The following SLC16A10 variants were observed in gnomAD, a reference collection of about 807,000 sequenced individuals.
The protein encoded by SLC16A10 is solute carrier family 16 member 10.
SLC16A10 carries 27 observed loss-of-function variants against 40.0 expected under a neutral mutation model. That is an observed-to-expected ratio of 0.67 (90% CI 0.50 to 0.93). SLC16A10 has a LOEUF of 0.93. Among genes scored for constraint, SLC16A10 ranks in the 40% least tolerant of loss-of-function variants. The pLI is 0.00. For synonymous variants in SLC16A10, 213 were observed against 249.8 expected (o/e 0.85, Z 1.39); for missense variants, 529 against 658.2 (o/e 0.80, Z 2.15).
chr6:111,156,293 A>C (rs1772268749), intron 1 of SLC16A10, among the ~76,000 whole-genome samples: 3 of 152,218 alleles, frequency 2.0e-5, no homozygotes, highest in African/African-American at 7.2e-5. Flanking sequence ...CACTCCTGTA[A>C]GTGTGGGCTG....
intron 3 of SLC16A10, among the ~76,000 whole-genome samples, chr6:111,183,570 A>C (rs1772842567): frequency 6.6e-6 from 1 of 152,184 alleles, no homozygotes; most frequent in Non-Finnish European, 1.5e-5. Context: ...GGATCTTTAA[A>C]ATTCTCTACT....
At chr6:111,152,112 A>C (rs1169940862) in intron 1 of SLC16A10, among the ~76,000 whole-genome samples, 1 of 152,236 alleles carries the variant, frequency 6.6e-6, no homozygotes, top group African/African-American at 2.4e-5. Context: ...TGTGTATTGC[A>C]TGAATAAAGC....
intron 1 of SLC16A10, among the ~76,000 whole-genome samples, chr6:111,156,461 G>C (rs1772272068): frequency 6.6e-6 from 1 of 152,144 alleles, no homozygotes; most frequent in Admixed American, 6.5e-5. Context: ...TGATATAATG[G>C]GATGAAATGG....
Position 111,225,379 on chromosome 6 carries a change from G to A in SLC16A10, c.*3144G>A, listed in dbSNP as rs354548. On this transcript the variant is annotated 3_prime_UTR_variant, in exon 6 of 6. Transcript: ENST00000368851. ...CAACCAGCCTGGGAAACACGGTGAA[G>A]CTCCATCTCTACTAAAATACAAAAA... 120,443 of 151,786 alleles carry A rather than the reference G, an allele frequency of 0.79. 48,435 individuals are homozygous for A. Among genetic ancestry groups the A allele is most frequent in the South Asian group, 0.87 (4,171 of 4,794 alleles). The allele number at this position is 151,786 out of a possible 1,614,324, so 9.4% of individuals were successfully genotyped here.
rs150668278 is a variant in SLC16A10 at position 111,182,766 on chromosome 6, G to A, written c.942+5101G>A. 1.2e-4 allele frequency among the ~76,000 whole-genome samples: 18 copies of A among 152,134 alleles called. No homozygotes were observed. The East Asian group carries it at 2.1e-3, about 18-fold the overall frequency. On this transcript the variant is annotated intron_variant, in intron 3 of 5. Transcript: ENST00000368851. ...CCTCATCTCAGGAGCTGGCAATTCC[G>A]CCCTTTCAGTTGATCAGACTCAAAA...
chr6:111,166,124 G>A, intron 1 of SLC16A10, among the ~76,000 whole-genome samples: 1 of 151,684 alleles, frequency 6.6e-6, no homozygotes, highest in Non-Finnish European at 1.5e-5. Context: ...ATTGGCTACA[G>A]CTTAAGATTA....
chr6:111,207,453 C>T (rs535288422), intron 4 of SLC16A10, among the ~76,000 whole-genome samples: 12 of 152,310 alleles, frequency 7.9e-5, no homozygotes, highest in Middle Eastern at 3.4e-3. Context: ...TCATTGCTGA[C>T]AATCAACAGA....
rs746615247 is a variant in SLC16A10 at position 111,226,280 on chromosome 6, A to G, written c.*4045A>G. 1 of 152,044 alleles carries G rather than the reference A, an allele frequency of 6.6e-6. No individual in the cohort carries two copies. The highest frequency in any genetic ancestry group is 2.4e-5 in the African/African-American group (1 of 41,392). 9.4% of individuals were successfully genotyped at this position (152,044 alleles called of 1,614,324 possible). A position where few individuals can be genotyped will look rare whatever the true frequency, so the allele number is the denominator to read the frequency against. On this transcript the variant is annotated 3_prime_UTR_variant, in exon 6 of 6. Transcript: ENST00000368851. The stretch of plus-strand genomic sequence containing the variant: ...GGTTTCATTAAATCTTAGTTCCGAG[A>G]GCCCAGCATGAAGGGTGACTGGGAA...
intron 1 of SLC16A10, among the ~76,000 whole-genome samples, chr6:111,102,144 C>T (rs1215887176): frequency 6.6e-6 from 1 of 152,132 alleles, no homozygotes; most frequent in Non-Finnish European, 1.5e-5. Context: ...TATATGTCGT[C>T]GAACAAATTG....
chr6:111,192,721 T>C (rs1583354808), intron 3 of SLC16A10, among the ~76,000 whole-genome samples: 1 of 152,004 alleles, frequency 6.6e-6, no homozygotes, highest in African/African-American at 2.4e-5. Context: ...TGGTGGAAGG[T>C]GGAGGAGGAG....
chr6:111,200,561 T>C (rs1397871309), intron 3 of SLC16A10, among the ~76,000 whole-genome samples: 2 of 152,118 alleles, frequency 1.3e-5, no homozygotes, highest in Admixed American at 1.3e-4. Flanking sequence ...AAAACACAGC[T>C]AGAGGAAACA....
At chr6:111,131,288 G>A (rs1013797374) in intron 1 of SLC16A10, among the ~76,000 whole-genome samples, 3 of 152,176 alleles carry the variant, frequency 2.0e-5, no homozygotes, top group African/African-American at 2.4e-5. Context: ...GTTCCTGCAC[G>A]GGCTAAGTGC....
intron 1 of SLC16A10, among the ~76,000 whole-genome samples, chr6:111,115,785 A>G (rs1161046141): frequency 2.6e-5 from 4 of 152,148 alleles, no homozygotes; most frequent in African/African-American, 9.7e-5. Flanking sequence ...CTTGAAGCTA[A>G]CAAACTTTTT....
chr6:111,092,951 G>C (rs557512601), intron 1 of SLC16A10, among the ~76,000 whole-genome samples: 2 of 150,164 alleles, frequency 1.3e-5, no homozygotes, highest in East Asian at 3.9e-4. Context: ...TGAGGCAGGA[G>C]AATTGCTTGA....
chr6:111,210,897 T>C (rs1210142010), intron 4 of SLC16A10, among the ~76,000 whole-genome samples: 1 of 151,916 alleles, frequency 6.6e-6, no homozygotes, highest in African/African-American at 2.4e-5. Context: ...GTGGCACGCG[T>C]CTGTAGTCCC....
intron 3 of SLC16A10, among the ~76,000 whole-genome samples, chr6:111,199,284 A>G (rs1219462640): frequency 6.6e-6 from 1 of 151,968 alleles, no homozygotes; most frequent in Admixed American, 6.6e-5. Flanking sequence ...ACATGGTGAA[A>G]CTCTGTCTCT....
intron 1 of SLC16A10, among the ~76,000 whole-genome samples, chr6:111,144,220 T>C (rs1772034457): frequency 6.6e-6 from 1 of 152,242 alleles, no homozygotes; most frequent in Non-Finnish European, 1.5e-5. Context: ...TATTTTCTTT[T>C]TGAGACGGAG....
In SLC16A10 at chr6:111,167,621, G is replaced by GTTATTTATTTAT. The variant is rs58079056; in HGVS notation, c.344-5060_344-5049dup. 1.1e-3 allele frequency among the ~76,000 whole-genome samples: 171 copies of GTTATTTATTTAT among 149,592 alleles called. 1 individual carries two copies. The highest frequency in any genetic ancestry group is 3.6e-3 in the African/African-American group (148 of 40,798). On this transcript the variant is annotated intron_variant, in intron 1 of 5. Coordinates refer to ENST00000368851, the MANE Select transcript of SLC16A10 (RefSeq NM_018593.5). Reference sequence around the variant, plus strand: ...GACCTAGAGGGACTAGGGCTCGATTGTTATTTATTTATTTATTTATTTATT... The same window carrying GTTATTTATTTAT: ...GACCTAGAGGGACTAGGGCTCGATTGTTATTTATTTATTTATTTATTTATTTATTTATTTATT...
chr6:111,150,162 T>C (rs1265964896), intron 1 of SLC16A10, among the ~76,000 whole-genome samples: 5 of 152,234 alleles, frequency 3.3e-5, no homozygotes, highest in Admixed American at 2.6e-4. Flanking sequence ...AATGGATTAA[T>C]GCCGTTGTTG....
Sources: allele counts gnomAD v4.1 joint callset (sites outside exome capture counted in the v4.1 genomes callset), GRCh38; gene constraint gnomAD v4.1.1; transcripts MANE v1.5; gene names NCBI Gene and HGNC (gene_info 2026-07-23, HGNC 2026-07-21).